Variants in MICAL3 observed in about 807,000 individuals in gnomAD.
MICAL3 encodes the protein [F-actin]-monooxygenase MICAL3.
In MICAL3, 62 loss-of-function variants were observed where a neutral mutation model predicts 207.4. That is an observed-to-expected ratio of 0.30 (90% CI 0.24 to 0.37). MICAL3 has a LOEUF of 0.37. MICAL3 is among the 10% of genes least tolerant of loss of function. The probability of loss-of-function intolerance (pLI) is 1.00; values close to 1 mark genes in which losing one functional copy is unlikely to be tolerated. For missense variants in MICAL3, 2,368 were observed against 2,635.6 expected (o/e 0.90, Z 2.22); for synonymous variants, 1,077 against 1,069.3 (o/e 1.01, Z -0.14).
At chr22:17,864,326 A>C in intron 19 of MICAL3, 4 of 1,183,874 alleles carry the variant, frequency 3.4e-6, no homozygotes, top group Non-Finnish European at 4.2e-6. Context: ...GGCATGTCCC[A>C]TCACGGTGCA....
intron 19 of MICAL3, chr22:17,860,326 A>G: frequency 1.0e-6 from 1 of 985,480 alleles, no homozygotes; most frequent in South Asian, 4.7e-5. Context: ...CAAGTTAAAA[A>G]CAAAGGCAAA....
chr22:17,866,102 C>G (rs1927079643), intron 17 of MICAL3, 90 bp from the exon 18 acceptor site: 1 of 973,906 alleles, frequency 1.0e-6, no homozygotes, highest in African/African-American at 1.6e-5. Context: ...CTTTCCATCT[C>G]CTCCAGCCTC....
intron 1 of MICAL3, among the ~76,000 whole-genome samples, chr22:17,963,801 T>C (rs937863020): frequency 1.3e-5 from 2 of 152,206 alleles, no homozygotes; most frequent in Non-Finnish European, 1.5e-5. Flanking sequence ...CACAGGCCGA[T>C]CATTGCCTTG....
chr22:17,982,717 A>AACATAACATAACAT (rs1266057679), intron 1 of MICAL3, among the ~76,000 whole-genome samples: 2 of 61,556 alleles, frequency 3.2e-5, no homozygotes, highest in African/African-American at 9.3e-5. Context: ...TAACATAACA[A>AACATAACATAACAT]ACATAACATA....
chr22:17,789,736 T>G lies in MICAL3; in HGVS notation c.*996A>C, dbSNP rs1330242704. 2 of 152,264 alleles carry G rather than the reference T, an allele frequency of 1.3e-5. No individual in the cohort carries two copies. The highest frequency in any genetic ancestry group is 4.8e-5 in the African/African-American group (2 of 41,468). 9.4% of individuals were successfully genotyped at this position (152,264 alleles called of 1,614,324 possible). ...TCGCGTAGGACGCACCAGATGCCGC[T>G]GTGGCTCCCGCACCCGGGCGCAGGT... On this transcript the variant is annotated 3_prime_UTR_variant, in exon 32 of 32. Transcript: ENST00000441493.
intron 1 of MICAL3, among the ~76,000 whole-genome samples, chr22:17,922,931 T>C (rs1282826496): frequency 1.3e-5 from 2 of 152,190 alleles, no homozygotes; most frequent in Non-Finnish European, 2.9e-5. Context: ...CTCAGTGGAA[T>C]GTATTTTCCC....
chr22:17,957,708 CAAA>C (rs374917425), intron 1 of MICAL3, among the ~76,000 whole-genome samples: 3,068 of 106,214 alleles, frequency 0.029, 82 homozygotes, highest in African/African-American at 0.096. Flanking sequence ...GAAACTATGT[CAAA>C]AAAAAAAAAA....
At chr22:17,881,350 G>T in intron 16 of MICAL3, 1 of 1,490,518 alleles carries the variant, frequency 6.7e-7, no homozygotes, top group Non-Finnish European at 9.2e-7. Flanking sequence ...TTCAAACAGT[G>T]GCCATGTGGA....
At chr22:17,833,304 G>A (rs1293878486) in intron 20 of MICAL3, among the ~76,000 whole-genome samples, 1 of 137,352 alleles carries the variant, frequency 7.3e-6, no homozygotes, top group Non-Finnish European at 1.6e-5. Context: ...TTCAGGAGAG[G>A]CCTTGCCTGC....
chr22:17,833,086 C>T (rs189134638), intron 20 of MICAL3, among the ~76,000 whole-genome samples: 67 of 152,304 alleles, frequency 4.4e-4, no homozygotes, highest in Admixed American at 9.8e-4. Context: ...CATGCCACAA[C>T]GGACACTACC....
chr22:17,861,781 C>T (rs1926539530), intron 19 of MICAL3: 3 of 985,098 alleles, frequency 3.0e-6, no homozygotes, highest in African/African-American at 1.7e-5. Context: ...ATATTAAAAG[C>T]ACATTACAAA....
At chr22:17,982,716 A>ATAACAAACAT (rs11393673) in intron 1 of MICAL3, among the ~76,000 whole-genome samples, 5 of 90,494 alleles carry the variant, frequency 5.5e-5, no homozygotes, top group Non-Finnish European at 1.2e-4. Context: ...ATAACATAAC[A>ATAACAAACAT]AACATAACAT....
chr22:17,817,496 T>C lies in MICAL3; in HGVS notation c.5165A>G (p.Glu1722Gly). Residue 1722 changes from glutamate (E) to glycine (G), a missense_variant, in exon 26 of 32, where the codon GAG becomes GGG. Coordinates refer to ENST00000441493, the MANE Select transcript of MICAL3 (RefSeq NM_015241.3). ...KKSKGEGRPP[E>G]KPSSNLLEEA... Reference sequence around the variant, plus strand: ...TTCTAGGAGGTTGGAGCTGGGCTTCTCCGGGGGCCGGCCCTCGCCTTTGGA... The same window carrying C: ...TTCTAGGAGGTTGGAGCTGGGCTTCCCCGGGGGCCGGCCCTCGCCTTTGGA... The C allele has an allele frequency of 6.2e-7, 1 of 1,613,748 alleles. No individual in the cohort carries two copies. The highest frequency in any genetic ancestry group is 1.1e-5 in the South Asian group (1 of 91,072).
rs780327715 is a variant in MICAL3 at position 17,819,126 on chromosome 22, G to T, written c.3535C>A (p.Pro1179Thr). 1 of 1,483,406 alleles carries T rather than the reference G, an allele frequency of 6.7e-7. No homozygotes were observed. The highest frequency in any genetic ancestry group is 2.3e-5 in the East Asian group (1 of 42,938). The allele number at this position is 1,483,406 out of a possible 1,614,324, so 91.9% of individuals were successfully genotyped here. ...IPVHSPSTEG[P>T]QLPPVPAATQ... ...GCGGCAGGGACAGGTGGGAGTTGGG[G>T]CCCCTACAGGGAAGGAAGACAGAAG... Residue 1179 changes from proline (P) to threonine (T), a missense_variant, in exon 26 of 32, where the codon CCC (proline) becomes ACC (threonine). By Grantham distance (38) the Pro-to-Thr change is conservative. This residue lies in a region of MICAL3 where 1,770 missense variants were observed against 1,863.2 expected (regional missense o/e 0.95). Transcript: ENST00000441493.
intron 18 of MICAL3, among the ~76,000 whole-genome samples, 165 bp from the exon 19 acceptor site, chr22:17,865,151 C>T (rs922568398): frequency 5.3e-5 from 8 of 151,378 alleles, no homozygotes; most frequent in African/African-American, 1.9e-4. Flanking sequence ...CTTGCTGGCA[C>T]CCAGGCTGGA....
chr22:17,906,458 C>A, intron 2 of MICAL3, 91 bp downstream of exon 2: 1 of 1,606,810 alleles, frequency 6.2e-7, no homozygotes, highest in South Asian at 1.1e-5. Flanking sequence ...CCTTGTAGAT[C>A]ATATATGGTG....
At chr22:18,018,565 T>C (rs1265571960) in intron 1 of MICAL3, among the ~76,000 whole-genome samples, 1 of 151,256 alleles carries the variant, frequency 6.6e-6, no homozygotes, top group African/African-American at 2.4e-5. Flanking sequence ...CTACTAAAAA[T>C]ACAAAAATTA....
Position 17,810,983 on chromosome 22 carries a change from G to A in MICAL3, c.5446-170C>T. On this transcript the variant is annotated intron_variant, in intron 27 of 31. Transcript: ENST00000441493. ...AGTAGAGTGCTAGCAGGACGGGGGT[G>A]CTGATAGGCAGAAGGCATGAGGTCT... 5.1e-6 allele frequency: 3 copies of A among 582,556 alleles called. No homozygotes were observed. In the South Asian group the frequency reaches 5.9e-5, roughly 12 times the overall value. The allele number at this position is 582,556 out of a possible 1,614,324, so 36.1% of individuals were successfully genotyped here. A position where few individuals can be genotyped will look rare whatever the true frequency, so the allele number is the denominator to read the frequency against.
chr22:18,011,580 A>G (rs1285275797), intron 1 of MICAL3, among the ~76,000 whole-genome samples: 1 of 149,768 alleles, frequency 6.7e-6, no homozygotes, highest in African/African-American at 2.5e-5. Context: ...AAATATATAT[A>G]TAAATAAAGG....
Sources: gnomAD v4.1 joint callset for allele counts (sites outside exome capture counted in the v4.1 genomes callset) on GRCh38, gnomAD v4.1.1 for gene constraint, gnomAD v4.1.1 regional missense constraint, MANE v1.5 for transcripts, NCBI Gene and HGNC (gene_info 2026-07-23, HGNC 2026-07-21) for gene names.